STK32A: variants seen among roughly 807,000 people sequenced by gnomAD.
STK32A encodes the protein serine/threonine kinase 32A.
STK32A carries 41 observed loss-of-function variants against 53.2 expected under a neutral mutation model. The ratio of observed to expected loss-of-function variants is 0.77; its 90% confidence interval spans 0.60 to 1.00. The LOEUF is 1.00. Ranked by LOEUF, STK32A falls within the 50% of genes least tolerant of loss-of-function variation. The probability of loss-of-function intolerance (pLI) is 0.00; values close to 1 mark genes in which losing one functional copy is unlikely to be tolerated. For missense variants in STK32A, 458 were observed against 485.8 expected (o/e 0.94, Z 0.54); for synonymous variants, 166 against 162.8 (o/e 1.02, Z -0.15).
the STK32A span, among the ~76,000 whole-genome samples, chr5:147,396,006 G>A: frequency 6.6e-6 from 1 of 152,110 alleles, no homozygotes; most frequent in African/African-American, 2.4e-5. Context: ...GGAGGAGGTT[G>A]GAGGGATACC....
At chr5:147,366,874 C>T (rs1353360017) in intron 8 of STK32A, among the ~76,000 whole-genome samples, 2 of 85,696 alleles carry the variant, frequency 2.3e-5, no homozygotes, top group African/African-American at 8.1e-5. Context: ...CCTTGTTGAG[C>T]CTTTTTTTTT....
intron 5 of STK32A, among the ~76,000 whole-genome samples, chr5:147,334,615 G>A (rs184875348): frequency 1.2e-4 from 18 of 152,308 alleles, no homozygotes; most frequent in Non-Finnish European, 2.9e-5. Context: ...TCATAAGGTT[G>A]TTTGAGGATA....
the STK32A span, among the ~76,000 whole-genome samples, chr5:147,397,007 C>G: frequency 7.6e-6 from 1 of 130,766 alleles, no homozygotes; most frequent in Non-Finnish European, 1.6e-5. Context: ...ATACACAATA[C>G]AATATAAATA....
intron 8 of STK32A, among the ~76,000 whole-genome samples, chr5:147,365,472 T>G (rs1267570440): frequency 1.3e-5 from 2 of 152,114 alleles, no homozygotes; most frequent in Non-Finnish European, 2.9e-5. Context: ...GGATATTACC[T>G]GTTTTTATCT....
rs1010037703 is a variant in STK32A at position 147,293,249 on chromosome 5, G to A, written c.260+13851G>A. Among the ~76,000 whole-genome samples the A allele has an allele frequency of 3.3e-5, 5 of 151,952 alleles. No individual in the cohort carries two copies. In the East Asian group the frequency reaches 5.8e-4, roughly 18 times the overall value. On this transcript the variant is annotated intron_variant, in intron 4 of 12. Transcript: ENST00000397936. ...CATACAACAACTTGACATAACAATC[G>A]TAATTATTACTGATCATATATACCA...
chr5:147,366,226 C>T (rs993817961), intron 8 of STK32A, among the ~76,000 whole-genome samples: 4 of 152,168 alleles, frequency 2.6e-5, no homozygotes, highest in African/African-American at 9.7e-5. Context: ...GAACTTCTTC[C>T]TCTTCTCAAA....
At chr5:147,373,355 G>A in intron 10 of STK32A, 61 bp downstream of exon 10, 1 of 1,592,308 alleles carries the variant, frequency 6.3e-7, no homozygotes, top group Non-Finnish European at 8.6e-7. Flanking sequence ...CGGTGTGCCA[G>A]ATTCACACAT....
At chr5:147,401,877 A>C in the STK32A span, 223,034 of 571,634 alleles carry the variant, frequency 0.39, 45,261 homozygotes, top group South Asian at 0.49. Context: ...AAATGTGACC[A>C]AGTTTGTATT....
chr5:147,333,962 G>A (rs906730543), intron 5 of STK32A, among the ~76,000 whole-genome samples: 1 of 152,038 alleles, frequency 6.6e-6, no homozygotes, highest in Non-Finnish European at 1.5e-5. Flanking sequence ...TGTTAAATAG[G>A]TATAATAACA....
chr5:147,278,021 T>C (rs6580458), intron 2 of STK32A, 103 bp from the exon 3 acceptor site: 492,459 of 967,334 alleles, frequency 0.51, 128,566 homozygotes, highest in African/African-American at 0.66. Context: ...TCTGAGATCA[T>C]GTTTTAGACA....
intron 6 of STK32A, among the ~76,000 whole-genome samples, chr5:147,344,442 G>C (rs185360440): frequency 2.0e-4 from 31 of 152,258 alleles, no homozygotes; most frequent in African/African-American, 7.0e-4. Context: ...TGTGAGCAAT[G>C]GTGAGATTTA....
At chr5:147,309,234 T>A (rs1279989233) in intron 4 of STK32A, among the ~76,000 whole-genome samples, 1 of 152,148 alleles carries the variant, frequency 6.6e-6, no homozygotes, top group Non-Finnish European at 1.5e-5. Context: ...GAAGTCTGTA[T>A]GTGTGTGAGC....
chr5:147,345,107 G>A (rs1755619601), intron 6 of STK32A, among the ~76,000 whole-genome samples: 1 of 152,158 alleles, frequency 6.6e-6, no homozygotes, highest in South Asian at 2.1e-4. Flanking sequence ...TTAAGAATGT[G>A]ACTTCTGGAG....
intron 2 of STK32A, among the ~76,000 whole-genome samples, chr5:147,272,608 A>C (rs1755088551): frequency 6.9e-6 from 1 of 144,276 alleles, no homozygotes; most frequent in African/African-American, 2.6e-5. Flanking sequence ...TGCAGAGAGA[A>C]TCTCTTAAAG....
At position 147,365,339 on chromosome 5, in the gene STK32A, C is replaced by T. The variant is rs1391249326; in HGVS notation, c.660+3725C>T. Among the ~76,000 whole-genome samples the T allele has an allele frequency of 3.3e-5, 5 of 152,194 alleles. No individual in the cohort carries two copies. The East Asian group carries it at 9.6e-4, about 29-fold the overall frequency. On this transcript the variant is annotated intron_variant, in intron 8 of 12. Transcript: ENST00000397936. ...AACATTCATTAGTTCATTGTTTGTA[C>T]TCCTGCCTTTCCTGAGGAAGTCATT...
chr5:147,353,653 G>C (rs967492710), intron 7 of STK32A, among the ~76,000 whole-genome samples: 1 of 152,010 alleles, frequency 6.6e-6, no homozygotes, highest in Non-Finnish European at 1.5e-5. Flanking sequence ...ATAGCTACTC[G>C]GGAGGCTGAG....
intron 2 of STK32A, among the ~76,000 whole-genome samples, chr5:147,263,250 T>C (rs1754663649): frequency 6.6e-6 from 1 of 152,174 alleles, no homozygotes; most frequent in Non-Finnish European, 1.5e-5. Context: ...AGAAGGAAGA[T>C]TTAAAATTAT....
chr5:147,393,042 T>C, the STK32A span: 1 of 152,220 alleles, frequency 6.6e-6, no homozygotes, highest in Non-Finnish European at 1.5e-5. Context: ...CCCTTCATTC[T>C]GCCTCATCTG....
rs561399580 is a variant in STK32A, at chr5:147,343,154, G to C, written c.472+111G>C. 9.9e-6 allele frequency: 12 copies of C among 1,213,770 alleles called. No homozygotes were observed. In the South Asian group the frequency reaches 1.2e-4, roughly 12 times the overall value. The allele number at this position is 1,213,770 out of a possible 1,614,324, so 75.2% of individuals were successfully genotyped here. On this transcript the variant is annotated intron_variant, in intron 6 of 12. Coordinates refer to ENST00000397936, the MANE Select transcript of STK32A (RefSeq NM_001112724.2). The stretch of plus-strand genomic sequence containing the variant: ...AAAAGGTATTTTGTTCTATTCATTC[G>C]AGCTCTACTTACAAACTCCTCATAG...
Sources: allele counts gnomAD v4.1 joint callset (sites outside exome capture counted in the v4.1 genomes callset), GRCh38; gene constraint gnomAD v4.1.1; transcripts MANE v1.5; gene names NCBI Gene and HGNC (gene_info 2026-07-23, HGNC 2026-07-21).